TENM4: variants seen among roughly 807,000 people sequenced by gnomAD.
The protein encoded by TENM4 is teneurin-4.
Under a neutral mutation model 243.3 loss-of-function variants are expected in TENM4, and 82 were observed. The observed-to-expected ratio is 0.34, with a 90% confidence interval of 0.28 to 0.40. The LOEUF (loss-of-function observed/expected upper bound fraction) is 0.40, where lower values mean the gene tolerates loss of function less well. TENM4 is among the 10% of genes least tolerant of loss of function. The pLI, the probability that TENM4 is intolerant of heterozygous loss-of-function variation, is 1.00. For missense variants in TENM4, 3,138 were observed against 3,673.3 expected, an observed-to-expected ratio of 0.85 and a Z score of 3.77; for synonymous variants, 1,412 against 1,456.3, an observed-to-expected ratio of 0.97 and a Z score of 0.69.
chr11:78,978,681 T>C (rs1425407856), intron 6 of TENM4, among the ~76,000 whole-genome samples: 3 of 152,064 alleles, frequency 2.0e-5, no homozygotes, highest in Non-Finnish European at 4.4e-5. Flanking sequence ...CCAAGGGCAC[T>C]AGATTGGGAA....
intron 4 of TENM4, among the ~76,000 whole-genome samples, chr11:79,106,397 C>T (rs1254969700): frequency 6.6e-6 from 1 of 152,210 alleles, no homozygotes; most frequent in Non-Finnish European, 1.5e-5. Flanking sequence ...CCTTGTGTTC[C>T]CCCTACCAGC....
At chr11:79,045,550 G>T (rs572880458) in intron 6 of TENM4, among the ~76,000 whole-genome samples, 45 of 152,240 alleles carry the variant, frequency 3.0e-4, no homozygotes, top group Middle Eastern at 3.4e-3. Context: ...CCCCCTTACT[G>T]ACAGGTCTGC....
At chr11:79,370,377 G>C (rs1175613453) in intron 1 of TENM4, among the ~76,000 whole-genome samples, 1 of 152,232 alleles carries the variant, frequency 6.6e-6, no homozygotes, top group African/African-American at 2.4e-5. Flanking sequence ...GGGGGCTGCT[G>C]GCCGCCTCAT....
chr11:79,018,269 C>G (rs1232110379), intron 6 of TENM4, among the ~76,000 whole-genome samples: 3 of 152,176 alleles, frequency 2.0e-5, no homozygotes, highest in East Asian at 1.9e-4. Context: ...CCCATTCATT[C>G]TGAGCCATGT....
At chr11:79,299,606 T>G (rs776227571) in intron 1 of TENM4, among the ~76,000 whole-genome samples, 1 of 152,238 alleles carries the variant, frequency 6.6e-6, no homozygotes, top group Non-Finnish European at 1.5e-5. Context: ...TAAAACCACA[T>G]TTTGAAAATA....
At chr11:79,263,263 A>T (rs1028527468) in intron 2 of TENM4, among the ~76,000 whole-genome samples, 1 of 152,212 alleles carries the variant, frequency 6.6e-6, no homozygotes, top group South Asian at 2.1e-4. Context: ...GCAAGAGCAG[A>T]GACTTTGCTG....
chr11:78,786,541 T>A (rs1856939607), intron 16 of TENM4, among the ~76,000 whole-genome samples: 1 of 152,242 alleles, frequency 6.6e-6, no homozygotes, highest in East Asian at 1.9e-4. Flanking sequence ...CTCAGAAAGT[T>A]GACGGGGCTT....
chr11:79,086,397 A>T (rs1338826819), intron 4 of TENM4, among the ~76,000 whole-genome samples: 5 of 152,284 alleles, frequency 3.3e-5, no homozygotes, highest in Non-Finnish European at 7.3e-5. Context: ...TCTTGGAAAC[A>T]GGAACCAACA....
At chr11:79,252,232 A>G (rs1056281257) in intron 2 of TENM4, among the ~76,000 whole-genome samples, 2 of 152,164 alleles carry the variant, frequency 1.3e-5, no homozygotes, top group African/African-American at 4.8e-5. Flanking sequence ...GCTGCGAAGA[A>G]GTTCTCTCTT....
At chr11:78,991,226 C>T (rs1858036745) in intron 6 of TENM4, among the ~76,000 whole-genome samples, 1 of 152,070 alleles carries the variant, frequency 6.6e-6, no homozygotes, top group Non-Finnish European at 1.5e-5. Flanking sequence ...TCCTGAGAAA[C>T]ACTGGTAGAA....
At chr11:78,872,349 G>T (rs377451067) in intron 9 of TENM4, among the ~76,000 whole-genome samples, 3 of 152,306 alleles carry the variant, frequency 2.0e-5, no homozygotes, top group South Asian at 4.2e-4. Flanking sequence ...GCCCTTCATA[G>T]TCAGGCCTCA....
At chr11:79,267,491 T>C (rs1855901882) in intron 2 of TENM4, among the ~76,000 whole-genome samples, 2 of 152,210 alleles carry the variant, frequency 1.3e-5, no homozygotes, top group African/African-American at 2.4e-5. Context: ...ATGGAGTATA[T>C]AGTAGGGACT....
At chr11:78,780,313 T>A (rs1173850193) in intron 16 of TENM4, among the ~76,000 whole-genome samples, 1 of 152,236 alleles carries the variant, frequency 6.6e-6, no homozygotes, top group Non-Finnish European at 1.5e-5. Flanking sequence ...TGCAAAGTGG[T>A]CTAAAATTTC....
chr11:78,703,083 C>T (rs553070977), intron 27 of TENM4, among the ~76,000 whole-genome samples: 55 of 152,240 alleles, frequency 3.6e-4, no homozygotes, highest in East Asian at 9.7e-4. Context: ...TTATCTGTGG[C>T]GATTTTAGAA....
intron 20 of TENM4, among the ~76,000 whole-genome samples, chr11:78,736,479 T>TGTGCGC (rs796898751): frequency 0.027 from 2,712 of 99,286 alleles, 78 homozygotes; most frequent in African/African-American, 0.076. Context: ...TGTGTGTGTG[T>TGTGCGC]GCGCGCGCGT....
At chr11:78,878,499 G>A (rs767278043) in intron 9 of TENM4, among the ~76,000 whole-genome samples, 2 of 152,228 alleles carry the variant, frequency 1.3e-5, no homozygotes, top group Non-Finnish European at 2.9e-5. Context: ...CTTGAGCTAA[G>A]CTCTTGAGAA....
chr11:79,146,683 G>A (rs1862400846), intron 4 of TENM4, among the ~76,000 whole-genome samples: 1 of 152,058 alleles, frequency 6.6e-6, no homozygotes. Context: ...AAGGGAGAAA[G>A]ACTCTCCCAT....
chr11:78,755,381 C>G (rs188790893), intron 19 of TENM4, among the ~76,000 whole-genome samples: 21 of 152,204 alleles, frequency 1.4e-4, no homozygotes, highest in Admixed American at 2.6e-4. Context: ...GTTGACCAGG[C>G]TGGTCTCGAA....
intron 6 of TENM4, among the ~76,000 whole-genome samples, chr11:79,056,404 C>T (rs1237204192): frequency 6.6e-6 from 1 of 151,926 alleles, no homozygotes; most frequent in Non-Finnish European, 1.5e-5. Context: ...CAGAGCTTGC[C>T]AGCAGGAAGC....
Sources: allele counts gnomAD v4.1 joint callset (sites outside exome capture counted in the v4.1 genomes callset), GRCh38; gene constraint gnomAD v4.1.1; transcripts MANE v1.5; gene names NCBI Gene and HGNC (gene_info 2026-07-23, HGNC 2026-07-21).